Variants in WWOX observed in about 807,000 individuals in gnomAD.
The protein encoded by WWOX is WW domain-containing oxidoreductase.
In WWOX, 69 loss-of-function variants were observed where a neutral mutation model predicts 46.2. The ratio of observed to expected loss-of-function variants is 1.49; its 90% CI spans 1.23 to 1.82. The LOEUF is 1.82. Among genes scored for constraint, WWOX ranks in the 40% most tolerant of loss-of-function variants. The probability of loss-of-function intolerance (pLI) is 0.00; values close to 1 mark genes in which losing one functional copy is unlikely to be tolerated. For missense variants in WWOX, 919 were observed against 542.6 expected, an observed-to-expected ratio of 1.69 and a Z score of -6.89; for synonymous variants, 359 against 202.6, an observed-to-expected ratio of 1.77 and a Z score of -6.56.
chr16:79,167,555 C>T (rs890394504), intron 8 of WWOX, among the ~76,000 whole-genome samples: 1 of 152,106 alleles, frequency 6.6e-6, no homozygotes, highest in Non-Finnish European at 1.5e-5. Flanking sequence ...TGGAATGCTC[C>T]ATGGCCTCCA....
At chr16:78,874,903 C>T (rs117254142) in intron 8 of WWOX, among the ~76,000 whole-genome samples, 1 of 152,074 alleles carries the variant, frequency 6.6e-6, no homozygotes, top group Non-Finnish European at 1.5e-5. Context: ...AGCTCCCCTT[C>T]AAGCATAGAG....
intron 8 of WWOX, among the ~76,000 whole-genome samples, chr16:79,086,920 G>A (rs187660670): frequency 6.6e-6 from 1 of 152,158 alleles, no homozygotes; most frequent in Admixed American, 6.6e-5. Context: ...TGTTCAGTAA[G>A]AGCTGCAGTC....
intron 8 of WWOX, among the ~76,000 whole-genome samples, chr16:78,763,736 C>A (rs886380659): frequency 6.6e-6 from 1 of 152,168 alleles, no homozygotes; most frequent in African/African-American, 2.4e-5. Context: ...TGTCTCAATT[C>A]CTTTTGATTC....
At chr16:78,959,666 C>G (rs76750391) in intron 8 of WWOX, among the ~76,000 whole-genome samples, 1 of 152,040 alleles carries the variant, frequency 6.6e-6, no homozygotes, top group Admixed American at 6.5e-5. Flanking sequence ...CAAAATTTGT[C>G]GGATAGACTG....
intron 8 of WWOX, among the ~76,000 whole-genome samples, chr16:78,662,639 A>G (rs1048825199): frequency 2.0e-5 from 3 of 152,222 alleles, no homozygotes; most frequent in African/African-American, 7.2e-5. Context: ...ACATAAAACA[A>G]CATACATTCA....
chr16:79,002,872 C>T (rs144030273), intron 8 of WWOX, among the ~76,000 whole-genome samples: 1 of 152,306 alleles, frequency 6.6e-6, no homozygotes, highest in East Asian at 1.9e-4. Context: ...AAAATAACTC[C>T]ATGATGAAAC....
intron 8 of WWOX, among the ~76,000 whole-genome samples, chr16:78,960,049 T>A (rs141375827): frequency 6.7e-4 from 102 of 152,272 alleles, no homozygotes; most frequent in Middle Eastern, 3.4e-3. Context: ...TGGGTATTGG[T>A]GCATGGTGGG....
At chr16:78,409,868 G>T (rs1303226345) in intron 6 of WWOX, among the ~76,000 whole-genome samples, 1 of 152,172 alleles carries the variant, frequency 6.6e-6, no homozygotes, top group Non-Finnish European at 1.5e-5. Context: ...CCACAATCGG[G>T]AAAGGATCTC....
At chr16:78,965,392 A>G (rs1403575899) in intron 8 of WWOX, among the ~76,000 whole-genome samples, 3 of 151,998 alleles carry the variant, frequency 2.0e-5, no homozygotes, top group Non-Finnish European at 4.4e-5. Context: ...AACATGGTGA[A>G]ACCCCATCTG....
chr16:78,314,406 A>AAAT (rs2080313081), intron 5 of WWOX, among the ~76,000 whole-genome samples: 1 of 39,336 alleles, frequency 2.5e-5, no homozygotes, highest in South Asian at 1.3e-3. Flanking sequence ...ACTCTGTCTC[A>AAAT]AAAAAAAAAA....
chr16:78,336,511 A>AAC lies in WWOX; in HGVS notation c.517-50348_517-50347insCA, dbSNP rs1166407903. Among the ~76,000 whole-genome samples, 19 of 150,170 alleles carry AAC rather than the reference A, an allele frequency of 1.3e-4. No homozygotes were observed. The East Asian group carries it at 3.5e-3, about 28-fold the overall frequency. On this transcript the variant is annotated intron_variant, in intron 5 of 8. Coordinates refer to ENST00000566780, the MANE Select transcript of WWOX (RefSeq NM_016373.4). ...TCAGAGAGAGACTATGTCTCAAAAA[A>AAC]AAAAAAAAAAAAAAGCCTACAGTTG...
At chr16:78,939,943 C>T (rs2045818688) in intron 8 of WWOX, among the ~76,000 whole-genome samples, 1 of 152,228 alleles carries the variant, frequency 6.6e-6, no homozygotes, top group South Asian at 2.1e-4. Flanking sequence ...ACTGCCCCCA[C>T]CCAGATAGAA....
intron 8 of WWOX, among the ~76,000 whole-genome samples, chr16:78,657,268 C>T (rs186584714): frequency 7.2e-5 from 11 of 152,242 alleles, no homozygotes; most frequent in African/African-American, 1.2e-4. Flanking sequence ...TGAGTGAAGA[C>T]GCTCTTCTCT....
At chr16:78,407,006 G>T (rs1011028776) in intron 6 of WWOX, among the ~76,000 whole-genome samples, 3 of 152,192 alleles carry the variant, frequency 2.0e-5, no homozygotes, top group East Asian at 3.9e-4. Context: ...TGCATTTTGG[G>T]CAGCTGTGGC....
chr16:79,094,621 C>A (rs2049032737), intron 8 of WWOX, among the ~76,000 whole-genome samples: 1 of 151,984 alleles, frequency 6.6e-6, no homozygotes, highest in South Asian at 2.1e-4. Context: ...TTCAAAAACC[C>A]ATCTCAGGTC....
At chr16:78,867,389 C>A (rs564855675) in intron 8 of WWOX, among the ~76,000 whole-genome samples, 1 of 152,254 alleles carries the variant, frequency 6.6e-6, no homozygotes, top group East Asian at 1.9e-4. Context: ...ATCTTTTACA[C>A]ATCTTACCTC....
chr16:78,608,247 G>C (rs553169725), intron 8 of WWOX, among the ~76,000 whole-genome samples: 37 of 152,148 alleles, frequency 2.4e-4, no homozygotes, highest in Non-Finnish European at 5.1e-4. Flanking sequence ...AATACACTCA[G>C]GACCAGGATG....
chr16:79,108,981 CCTT>C (rs539976279), intron 8 of WWOX, among the ~76,000 whole-genome samples: 2 of 151,804 alleles, frequency 1.3e-5, no homozygotes, highest in South Asian at 4.2e-4. Context: ...GCAACATTAT[CCTT>C]CTTCTCCCCA....
intron 5 of WWOX, among the ~76,000 whole-genome samples, chr16:78,202,276 C>T (rs1029642698): frequency 9.2e-5 from 14 of 152,178 alleles, no homozygotes; most frequent in African/African-American, 3.4e-4. Context: ...TGCAACATGC[C>T]ATGACCATGA....
Sources: allele counts gnomAD v4.1 joint callset (sites outside exome capture counted in the v4.1 genomes callset), GRCh38; gene constraint gnomAD v4.1.1; transcripts MANE v1.5; gene names NCBI Gene and HGNC (gene_info 2026-07-23, HGNC 2026-07-21).